NCAM1: variants seen among roughly 807,000 people sequenced by gnomAD.
The protein encoded by NCAM1 is antigen recognized by monoclonal antibody 5.1H11.
NCAM1 carries 14 observed loss-of-function variants against 109.8 expected under a neutral mutation model. That is an observed-to-expected ratio of 0.13 (90% confidence interval 0.08 to 0.20). The LOEUF (loss-of-function observed/expected upper bound fraction) is 0.20, where lower values mean the gene tolerates loss of function less well. NCAM1 is among the 10% of genes least tolerant of loss of function. The pLI is 1.00. For missense variants in NCAM1, 774 were observed against 1,109.9 expected (o/e 0.70, Z 4.30); for synonymous variants, 418 against 442.9 (o/e 0.94, Z 0.70).
intron 1 of NCAM1, among the ~76,000 whole-genome samples, chr11:113,128,770 G>A (rs1192954194): frequency 5.3e-5 from 8 of 152,160 alleles, no homozygotes; most frequent in Non-Finnish European, 1.2e-4. Flanking sequence ...AGGAATGAGT[G>A]GAGAGATAGG....
intron 1 of NCAM1, among the ~76,000 whole-genome samples, chr11:113,056,875 C>T (rs181861399): frequency 2.6e-5 from 4 of 152,122 alleles, no homozygotes; most frequent in Non-Finnish European, 5.9e-5. Context: ...TGTTGCACAG[C>T]GATAGATAAC....
chr11:113,022,472 A>G (rs913724741), intron 1 of NCAM1, among the ~76,000 whole-genome samples: 7 of 152,198 alleles, frequency 4.6e-5, no homozygotes, highest in Non-Finnish European at 8.8e-5. Context: ...GGATGAAGGA[A>G]TGTAGCCAGC....
At chr11:113,150,297 A>G (rs560868205) in intron 1 of NCAM1, among the ~76,000 whole-genome samples, 21 of 152,306 alleles carry the variant, frequency 1.4e-4, no homozygotes, top group Middle Eastern at 3.4e-3. Context: ...ATTCTAGTTT[A>G]AAATGATTTA....
chr11:113,180,126 A>G (rs1403619719), intron 1 of NCAM1, among the ~76,000 whole-genome samples: 3 of 152,162 alleles, frequency 2.0e-5, no homozygotes, highest in African/African-American at 7.2e-5. Flanking sequence ...TGGACGACTG[A>G]CTGGCAGGCT....
At chr11:113,193,107 A>G (rs1943735284) in intron 1 of NCAM1, among the ~76,000 whole-genome samples, 1 of 152,158 alleles carries the variant, frequency 6.6e-6, no homozygotes, top group South Asian at 2.1e-4. Flanking sequence ...TTGGAGCTCT[A>G]TGGAGATACT....
At chr11:113,133,122 G>T (rs1941466070) in intron 1 of NCAM1, 1 of 152,234 alleles carries the variant, frequency 6.6e-6, no homozygotes, top group African/African-American at 2.4e-5. Context: ...GCTAAGAAAA[G>T]ACAAGCTCAG....
intron 1 of NCAM1, among the ~76,000 whole-genome samples, chr11:112,974,964 T>TA (rs1950969791): frequency 6.6e-6 from 1 of 152,002 alleles, no homozygotes; most frequent in Non-Finnish European, 1.5e-5. Context: ...AGCGGGCTTT[T>TA]AAAATCTTTT....
chr11:112,986,210 C>T (rs1180889780), intron 1 of NCAM1, among the ~76,000 whole-genome samples: 1 of 151,888 alleles, frequency 6.6e-6, no homozygotes, highest in Non-Finnish European at 1.5e-5. Context: ...TAGTATATCA[C>T]ATTTATTGAT....
At chr11:113,210,979 G>C (rs1242650419) in intron 7 of NCAM1, among the ~76,000 whole-genome samples, 2 of 152,184 alleles carry the variant, frequency 1.3e-5, no homozygotes, top group Non-Finnish European at 2.9e-5. Context: ...CCCTGTCATA[G>C]TCTGCGGAGC....
intron 15 of NCAM1, among the ~76,000 whole-genome samples, chr11:113,254,133 T>C (rs1555121878): frequency 6.6e-6 from 1 of 152,210 alleles, no homozygotes; most frequent in African/African-American, 2.4e-5. Flanking sequence ...TGATGTATTA[T>C]CTAGGACTTG....
chr11:113,135,413 G>A (rs73570728), intron 1 of NCAM1, among the ~76,000 whole-genome samples: 5,018 of 152,256 alleles, frequency 0.033, 254 homozygotes, highest in African/African-American at 0.11. Context: ...AACAGGGTCT[G>A]CAGAGATTGA....
chr11:112,986,480 A>G (rs1940720), intron 1 of NCAM1, among the ~76,000 whole-genome samples: 69,675 of 151,796 alleles, frequency 0.46, 16,830 homozygotes, highest in East Asian at 0.8. Flanking sequence ...GTTTGAGAAG[A>G]ATTGGTATTA....
chr11:112,979,265 CA>C (rs1951088486), intron 1 of NCAM1, among the ~76,000 whole-genome samples: 1 of 151,238 alleles, frequency 6.6e-6, no homozygotes, highest in Non-Finnish European at 1.5e-5. Context: ...TAATTTTTAC[CA>C]TTCAAAAGTC....
At chr11:113,145,371 G>T (rs1021989325) in intron 1 of NCAM1, among the ~76,000 whole-genome samples, 12 of 152,168 alleles carry the variant, frequency 7.9e-5, no homozygotes, top group African/African-American at 2.4e-4. Context: ...GCTCAACGCT[G>T]GCAGTACGAT....
intron 1 of NCAM1, among the ~76,000 whole-genome samples, chr11:113,024,611 A>C (rs2135275698): frequency 6.7e-6 from 1 of 149,966 alleles, no homozygotes; most frequent in Non-Finnish European, 1.5e-5. Flanking sequence ...TAACATAAGA[A>C]TATATATATA....
chr11:113,260,408 A>G, intron 17 of NCAM1, 85 bp downstream of exon 17: 1 of 1,420,492 alleles, frequency 7.0e-7, no homozygotes, highest in Non-Finnish European at 9.6e-7. Flanking sequence ...AACAACCCTG[A>G]CAACTTGCTT....
chr11:113,240,853 T>C, intron 14 of NCAM1: 1 of 1,609,170 alleles, frequency 6.2e-7, no homozygotes, highest in East Asian at 2.2e-5. Context: ...ATTTTCTTCA[T>C]CCATCTCTCT....
chr11:113,129,229 C>A (rs1220789975), intron 1 of NCAM1, among the ~76,000 whole-genome samples: 1 of 151,840 alleles, frequency 6.6e-6, no homozygotes, highest in Non-Finnish European at 1.5e-5. Context: ...CTAAGAGGAC[C>A]CTTTGGGTCT....
chr11:113,185,565 G>GTACT (rs1487250824), intron 1 of NCAM1, among the ~76,000 whole-genome samples: 1 of 152,034 alleles, frequency 6.6e-6, no homozygotes, highest in Non-Finnish European at 1.5e-5. Context: ...GTGTAGCATT[G>GTACT]TACTTCCTAA....
Sources: gnomAD v4.1 joint callset for allele counts (sites outside exome capture counted in the v4.1 genomes callset) on GRCh38, gnomAD v4.1.1 for gene constraint, MANE v1.5 for transcripts, NCBI Gene and HGNC (gene_info 2026-07-23, HGNC 2026-07-21) for gene names.